The following HIBADH variants were observed in gnomAD, a reference collection of about 807,000 sequenced individuals.
The protein encoded by HIBADH is 3-hydroxyisobutyrate dehydrogenase, mitochondrial.
Under a neutral mutation model 36.1 loss-of-function variants are expected in HIBADH, and 25 were observed. The observed-to-expected ratio is 0.69, with a 90% confidence interval of 0.50 to 0.97. The LOEUF (loss-of-function observed/expected upper bound fraction) is 0.97. Ranked by LOEUF, HIBADH falls within the 50% of genes least tolerant of loss-of-function variation. HIBADH has a pLI of 0.00. For synonymous variants in HIBADH, 160 were observed against 149.5 expected, an observed-to-expected ratio of 1.07 and a Z score of -0.51; for missense variants, 421 against 418.0, an observed-to-expected ratio of 1.01 and a Z score of -0.06.
intron 4 of HIBADH, among the ~76,000 whole-genome samples, chr7:27,609,977 C>T (rs906171153): frequency 2.6e-5 from 4 of 151,810 alleles, no homozygotes; most frequent in Non-Finnish European, 5.9e-5. Flanking sequence ...CCACCACACC[C>T]GGCTAATTTT....
At chr7:27,565,516 A>G (rs1448909541) in intron 4 of HIBADH, among the ~76,000 whole-genome samples, 1 of 152,168 alleles carries the variant, frequency 6.6e-6, no homozygotes, top group Non-Finnish European at 1.5e-5. Context: ...CTGTATGTTG[A>G]CCTTGTGTTC....
chr7:27,639,459 G>A (rs937201987), intron 2 of HIBADH, among the ~76,000 whole-genome samples: 9 of 152,046 alleles, frequency 5.9e-5, no homozygotes, highest in Non-Finnish European at 1.3e-4. Context: ...AGGGACAGAG[G>A]GTGAGGATCA....
At chr7:27,566,748 C>T (rs974295675) in intron 4 of HIBADH, among the ~76,000 whole-genome samples, 4 of 152,014 alleles carry the variant, frequency 2.6e-5, no homozygotes, top group Non-Finnish European at 4.4e-5. Context: ...TATTTTTGTT[C>T]AGTTCAAAAT....
intron 4 of HIBADH, among the ~76,000 whole-genome samples, chr7:27,574,598 TA>T (rs1235977573): frequency 6.6e-6 from 1 of 152,142 alleles, no homozygotes; most frequent in African/African-American, 2.4e-5. Context: ...AAAACTTTAT[TA>T]TTGCTGCTCT....
At chr7:27,552,879 A>G (rs938751210) in intron 4 of HIBADH, among the ~76,000 whole-genome samples, 1 of 152,214 alleles carries the variant, frequency 6.6e-6, no homozygotes, top group Non-Finnish European at 1.5e-5. Context: ...GAATTGATAA[A>G]TAGAGCTCTG....
At chr7:27,643,781 A>T (rs890735502) in intron 2 of HIBADH, among the ~76,000 whole-genome samples, 4 of 152,200 alleles carry the variant, frequency 2.6e-5, no homozygotes, top group African/African-American at 9.7e-5. Flanking sequence ...CAAAGGGAGG[A>T]TCTGTCTTTG....
At chr7:27,591,120 T>C (rs934991508) in intron 4 of HIBADH, among the ~76,000 whole-genome samples, 1 of 152,194 alleles carries the variant, frequency 6.6e-6, no homozygotes, top group Non-Finnish European at 1.5e-5. Flanking sequence ...TGAGGCACCA[T>C]ATAAATTCAA....
intron 5 of HIBADH, among the ~76,000 whole-genome samples, chr7:27,539,955 TTAA>T (rs1419551212): frequency 6.6e-6 from 1 of 152,032 alleles, no homozygotes; most frequent in Non-Finnish European, 1.5e-5. Flanking sequence ...TCCCATCATC[TTAA>T]TAATGAGTAG....
intron 4 of HIBADH, among the ~76,000 whole-genome samples, chr7:27,545,050 G>C (rs1011625934): frequency 6.6e-6 from 1 of 152,126 alleles, no homozygotes; most frequent in African/African-American, 2.4e-5. Flanking sequence ...ACTAAAATGG[G>C]TAATTCTAAA....
chr7:27,527,665 T>C (rs1014738977), intron 7 of HIBADH, among the ~76,000 whole-genome samples: 2 of 152,200 alleles, frequency 1.3e-5, no homozygotes, highest in Admixed American at 1.3e-4. Context: ...GCCCAGTTCA[T>C]GCAGCTGTCA....
chr7:27,531,653 G>A (rs1222812929), intron 6 of HIBADH, among the ~76,000 whole-genome samples: 1 of 152,012 alleles, frequency 6.6e-6, no homozygotes, highest in African/African-American at 2.4e-5. Context: ...TCACACTCAT[G>A]GGTTTTCTAG....
chr7:27,603,304 A>T (rs1785164138), intron 4 of HIBADH, among the ~76,000 whole-genome samples: 1 of 152,182 alleles, frequency 6.6e-6, no homozygotes, highest in Admixed American at 6.6e-5. Context: ...GGTTGGGCAC[A>T]ATTTCATTGT....
chr7:27,585,301 G>C (rs569517713), intron 4 of HIBADH, among the ~76,000 whole-genome samples: 1 of 152,044 alleles, frequency 6.6e-6, no homozygotes, highest in South Asian at 2.1e-4. Flanking sequence ...GTGTGTGTAT[G>C]TATAAAAGTT....
At chr7:27,616,565 G>A (rs1320854792) in intron 4 of HIBADH, among the ~76,000 whole-genome samples, 5 of 152,106 alleles carry the variant, frequency 3.3e-5, no homozygotes, top group African/African-American at 7.2e-5. Flanking sequence ...AGGCTCAATC[G>A]ACTCTCCCAC....
intron 4 of HIBADH, among the ~76,000 whole-genome samples, chr7:27,581,162 T>C (rs1784782651): frequency 6.6e-6 from 1 of 152,146 alleles, no homozygotes; most frequent in South Asian, 2.1e-4. Flanking sequence ...AGGGCCAACT[T>C]GGGATTAGTG....
At chr7:27,612,419 G>A (rs527715158) in intron 4 of HIBADH, among the ~76,000 whole-genome samples, 84 of 150,566 alleles carry the variant, frequency 5.6e-4, no homozygotes, top group African/African-American at 1.7e-3. Context: ...TCTGCCTCCC[G>A]GGTTCAAACG....
chr7:27,592,912 C>G (rs1298745444), intron 4 of HIBADH, among the ~76,000 whole-genome samples: 1 of 152,206 alleles, frequency 6.6e-6, no homozygotes, highest in Non-Finnish European at 1.5e-5. Flanking sequence ...CCTCATCCAA[C>G]ACCATACTTC....
At chr7:27,600,228 T>C (rs558254536) in intron 4 of HIBADH, among the ~76,000 whole-genome samples, 1 of 152,066 alleles carries the variant, frequency 6.6e-6, no homozygotes, top group Non-Finnish European at 1.5e-5. Context: ...ACAGCCTCTA[T>C]CTTCAAAAAA....
intron 4 of HIBADH, among the ~76,000 whole-genome samples, chr7:27,595,276 G>T (rs1025685178): frequency 1.3e-5 from 2 of 152,188 alleles, no homozygotes; most frequent in Non-Finnish European, 2.9e-5. Context: ...CAGCACTGTG[G>T]GAGGCTGAAG....
Sources: gnomAD v4.1 joint callset for allele counts (sites outside exome capture counted in the v4.1 genomes callset) on GRCh38, gnomAD v4.1.1 for gene constraint, MANE v1.5 for transcripts, NCBI Gene and HGNC (gene_info 2026-07-23, HGNC 2026-07-21) for gene names.